RYR3: variants seen among roughly 807,000 people sequenced by gnomAD.
RYR3 encodes the protein brain ryanodine receptor-calcium release channel.
Under a neutral mutation model 584.3 loss-of-function variants are expected in RYR3, and 207 were observed. The ratio of observed to expected loss-of-function variants is 0.35; its 90% confidence interval spans 0.32 to 0.40. The LOEUF (loss-of-function observed/expected upper bound fraction) is 0.40. RYR3 is among the 10% of genes least tolerant of loss of function. RYR3 has a pLI of 1.00. For synonymous variants in RYR3, 2,416 were observed against 2,248.5 expected, an observed-to-expected ratio of 1.07 and a Z score of -2.11; for missense variants, 5,616 against 6,089.2, an observed-to-expected ratio of 0.92 and a Z score of 2.59.
At position 33,699,655 on chromosome 15, in the gene RYR3, G is replaced by C. The variant is rs202188019; in HGVS notation, c.6250-49G>C. The C allele has an allele frequency of 3.0e-5, 48 of 1,575,728 alleles. No homozygotes were observed. In the African/African-American group the frequency reaches 6.2e-4, roughly 20 times the overall value. ...ACTCTGAGGTCAGAGTTTTCAGAAAGGCCTCATGATAGATTCTTTTGTCTG... is the reference window on the plus strand; with the variant it reads ...ACTCTGAGGTCAGAGTTTTCAGAAACGCCTCATGATAGATTCTTTTGTCTG... On this transcript the variant is annotated intron_variant, in intron 40 of 103. Coordinates refer to ENST00000634891, the MANE Select transcript of RYR3 (RefSeq NM_001036.6).
intron 38 of RYR3, among the ~76,000 whole-genome samples, chr15:33,683,253 C>T (rs908099142): frequency 6.6e-6 from 1 of 152,028 alleles, no homozygotes; most frequent in Non-Finnish European, 1.5e-5. Flanking sequence ...CTTGGCCTCC[C>T]AAAGTGCTGG....
chr15:33,799,967 A>C (rs1230381763), intron 67 of RYR3, among the ~76,000 whole-genome samples: 4 of 152,224 alleles, frequency 2.6e-5, no homozygotes, highest in Non-Finnish European at 5.9e-5. Context: ...CTATGTAGAC[A>C]TTTGAAAATG....
rs750701373 is a variant in RYR3, at chr15:33,628,533, T to C, written c.2637T>C (p.Leu879=). The C allele has an allele frequency of 4.2e-5, 68 of 1,613,678 alleles. 1 individual carries two copies. The highest frequency in any genetic ancestry group is 5.1e-5 in the Non-Finnish European group (60 of 1,179,678). The stretch of plus-strand genomic sequence containing the variant: ...GACTAGCTGAAAACATCCATGAGCT[T>C]TGGGGAATGAATAAAATAGAACTTG... ...RDRLAENIHE[L]WGMNKIELGW... Residue 879 remains leucine (L), a synonymous_variant, in exon 21 of 104, where the codon CTT becomes CTC. Transcript: ENST00000634891.
In RYR3 at chr15:33,566,734, G is replaced by A. The variant is rs11853872; in HGVS notation, c.1203G>A (p.Gln401=). The A allele has an allele frequency of 0.086, 138,110 of 1,613,544 alleles. 7,199 individuals are homozygous for A. Among genetic ancestry groups the A allele is most frequent in the African/African-American group, 0.23 (16,912 of 74,938 alleles). The change falls in exon 12 of 104, where the codon CAG becomes CAA. Residue 401 remains glutamine (Q), a synonymous_variant. Coordinates refer to ENST00000634891, the MANE Select transcript of RYR3 (RefSeq NM_001036.6). ...ATGGATTAACACTGCAGAGATGCCA[G>A]CGTGAGGAGTCCCAGGCTGCTCGGA... ...MDDGLTLQRC[Q]REESQAARII...
chr15:33,656,996 A>G (rs924044985), intron 32 of RYR3, among the ~76,000 whole-genome samples: 2 of 152,142 alleles, frequency 1.3e-5, no homozygotes, highest in Non-Finnish European at 2.9e-5. Flanking sequence ...GCAACATAGC[A>G]TGATCATAAG....
intron 70 of RYR3, among the ~76,000 whole-genome samples, chr15:33,810,029 G>A (rs1210610850): frequency 1.3e-5 from 2 of 152,182 alleles, no homozygotes; most frequent in Non-Finnish European, 1.5e-5. Flanking sequence ...AGGCCATGGT[G>A]AGGTGTTCCA....
chr15:33,794,348 A>ACATATATAATATATATGT (rs369625654), intron 67 of RYR3, among the ~76,000 whole-genome samples: 1 of 58,336 alleles, frequency 1.7e-5, no homozygotes, highest in South Asian at 6.1e-4. Context: ...TATATATAAA[A>ACATATATAATATATATGT]ATATATATAT....
At position 33,825,593 on chromosome 15, in the gene RYR3, C is replaced by T. The variant is rs2077333514; in HGVS notation, c.11073-10C>T. 2 of 1,599,326 alleles carry T rather than the reference C, an allele frequency of 1.3e-6. No homozygotes were observed. The highest frequency in any genetic ancestry group is 1.7e-5 in the Admixed American group (1 of 59,428). On this transcript the variant is annotated splice_polypyrimidine_tract_variant and intron_variant, in intron 81 of 103. Transcript: ENST00000634891. Reference sequence around the variant, plus strand: ...AGCCCTGAACCTTGTTTCTTTCTGTCTATTAAAAGTGTCCTTGATTTGAAT... The same window carrying T: ...AGCCCTGAACCTTGTTTCTTTCTGTTTATTAAAAGTGTCCTTGATTTGAAT...
At chr15:33,864,515 CAG>C (rs1432474216) in intron 103 of RYR3, among the ~76,000 whole-genome samples, 1 of 152,116 alleles carries the variant, frequency 6.6e-6, no homozygotes, top group African/African-American at 2.4e-5. Context: ...GCAGAAAAAT[CAG>C]AGTACAACGG....
Position 33,639,941 on chromosome 15 carries a change from A to G in RYR3, c.3556+3391A>G, listed in dbSNP as rs2061703720. Among the ~76,000 whole-genome samples the G allele has an allele frequency of 3.3e-5, 5 of 152,170 alleles. No individual in the cohort carries two copies. In the South Asian group the frequency reaches 1.0e-3, roughly 32 times the overall value. On this transcript the variant is annotated intron_variant, in intron 27 of 103. Coordinates refer to ENST00000634891, the MANE Select transcript of RYR3 (RefSeq NM_001036.6). Reference sequence around the variant, plus strand: ...TAGCCTTCTCTTTTCCTCTGTTTAAAGGAAAGGAACATAAAATCCTGAACA... The same window carrying G: ...TAGCCTTCTCTTTTCCTCTGTTTAAGGGAAAGGAACATAAAATCCTGAACA...
intron 1 of RYR3, among the ~76,000 whole-genome samples, chr15:33,377,495 A>T (rs2040839747): frequency 6.6e-6 from 1 of 152,222 alleles, no homozygotes. Flanking sequence ...GAAGGCTGGG[A>T]AATGTAGTCT....
chr15:33,391,825 C>G lies in RYR3; in HGVS notation c.51+80729C>G, dbSNP rs148303580. Among the ~76,000 whole-genome samples, 89 of 152,120 alleles carry G rather than the reference C, an allele frequency of 5.9e-4. 1 individual carries two copies. The East Asian group carries it at 0.012, about 21-fold the overall frequency. ...TGGAAGAGGGTGTAGGACTCTTCCA[C>G]AATGCTTCAGCCATGCTTTTCTTCT... On this transcript the variant is annotated intron_variant, in intron 1 of 103. Coordinates refer to ENST00000634891, the MANE Select transcript of RYR3 (RefSeq NM_001036.6).
At chr15:33,692,547 A>G (rs1229843395) in intron 38 of RYR3, among the ~76,000 whole-genome samples, 1 of 151,588 alleles carries the variant, frequency 6.6e-6, no homozygotes, top group African/African-American at 2.4e-5. Flanking sequence ...CAGGCCTTCC[A>G]TGGAATTACA....
In RYR3 at chr15:33,859,664, G is replaced by T. The variant is rs199573561; in HGVS notation, c.14232G>T (p.Met4744Ile). The T allele has an allele frequency of 2.5e-6, 4 of 1,613,966 alleles. No homozygotes were observed. In the East Asian group the frequency reaches 8.9e-5, roughly 36 times the overall value. Residue 4744 changes from methionine to isoleucine, a missense_variant, in exon 100 of 104, where the codon ATG becomes ATT. Physicochemically the swap from Met to Ile is conservative, Grantham distance 10. Coordinates refer to ENST00000634891, the MANE Select transcript of RYR3 (RefSeq NM_001036.6). The part of the protein sequence containing the change: ...IEDPAGDPYE[M>I]YRIVFDITFF... ...ACCCTGCTGGTGATCCTTATGAAAT[G>T]TATCGCATTGTCTTTGACATTACCT...
At chr15:33,512,458 C>T (rs1306635925) in intron 3 of RYR3, among the ~76,000 whole-genome samples, 2 of 152,216 alleles carry the variant, frequency 1.3e-5, no homozygotes, top group Non-Finnish European at 2.9e-5. Flanking sequence ...ATTTTTAAAG[C>T]TCCAGACTCT....
chr15:33,838,701 T>C lies in RYR3; in HGVS notation c.12721T>C (p.Phe4241Leu), dbSNP rs1336467521. The C allele has an allele frequency of 6.2e-7, 1 of 1,613,686 alleles. No homozygotes were observed. Among genetic ancestry groups the C allele is most frequent in the African/African-American group, 1.3e-5 (1 of 74,852 alleles). The change falls in exon 89 of 104, where the codon TTT becomes CTT. Residue 4241 changes from phenylalanine to leucine, a missense_variant. Physicochemically the swap from Phe to Leu is conservative, Grantham distance 22. Transcript: ENST00000634891. Reference protein sequence around the residue: ...ILGDMPDPTQFGIHDDTMEAE... With the variant: ...ILGDMPDPTQLGIHDDTMEAE... The stretch of plus-strand genomic sequence containing the variant: ...GGGTGACATGCCTGACCCAACCCAA[T>C]TTGGTATCCATGATGACACTATGGA...
At chr15:33,472,924 C>T (rs549452261) in intron 1 of RYR3, among the ~76,000 whole-genome samples, 21 of 152,250 alleles carry the variant, frequency 1.4e-4, no homozygotes, top group South Asian at 4.2e-4. Context: ...ATGCGGCCCA[C>T]GACATACACT....
At chr15:33,503,271 T>G (rs2052163778) in intron 2 of RYR3, among the ~76,000 whole-genome samples, 1 of 152,230 alleles carries the variant, frequency 6.6e-6, no homozygotes, top group African/African-American at 2.4e-5. Context: ...TTATCGTGGA[T>G]GAAATCCCAG....
chr15:33,503,595 T>A (rs745548641), intron 2 of RYR3, 36 bp from the exon 3 acceptor site: 12 of 1,235,670 alleles, frequency 9.7e-6, no homozygotes, highest in African/African-American at 1.5e-5. Flanking sequence ...CTGACTGATA[T>A]GAGTAGGTAT....
Sources: gnomAD v4.1 joint callset for allele counts (sites outside exome capture counted in the v4.1 genomes callset) on GRCh38, gnomAD v4.1.1 for gene constraint, MANE v1.5 for transcripts, NCBI Gene and HGNC (gene_info 2026-07-23, HGNC 2026-07-21) for gene names.